Variants in UPRT observed in about 807,000 individuals in gnomAD.
UPRT encodes the protein RP11-311P8.3.
UPRT carries 5 observed loss-of-function variants against 22.6 expected under a neutral mutation model. That is an observed-to-expected ratio of 0.22 (90% CI 0.12 to 0.47). The LOEUF (loss-of-function observed/expected upper bound fraction) is 0.47, where lower values mean the gene tolerates loss of function less well. UPRT is among the 20% of genes least tolerant of loss of function. UPRT has a pLI of 0.99. For synonymous variants in UPRT, 77 were observed against 87.7 expected (o/e 0.88, Z 0.68); for missense variants, 181 against 239.9 (o/e 0.75, Z 1.62).
chrX:75,167,081 A>G (rs2082215172), intron 3 of UPRT, among the ~76,000 whole-genome samples: 2 of 111,870 alleles, frequency 1.8e-5, no homozygotes, highest in African/African-American at 3.3e-5. Context: ...TCTCTGAATC[A>G]TGTATCTTCA....
chrX:75,219,271 G>A (rs968596044), intron 4 of UPRT, among the ~76,000 whole-genome samples: 2 of 111,820 alleles, frequency 1.8e-5, no homozygotes, highest in Non-Finnish European at 3.8e-5. Flanking sequence ...TAATTGAAAG[G>A]CAAGGCTTCA....
chrX:75,267,410 A>G (rs903220181), intron 4 of UPRT, among the ~76,000 whole-genome samples: 1 of 111,416 alleles, frequency 9.0e-6, no homozygotes, highest in African/African-American at 3.3e-5. Flanking sequence ...GGAATATCAC[A>G]GTTCAAGGCC....
chrX:75,191,232 C>T (rs1200599997), intron 4 of UPRT, among the ~76,000 whole-genome samples: 1 of 112,323 alleles, frequency 8.9e-6, no homozygotes, highest in Non-Finnish European at 1.9e-5. Context: ...TTGGAGTTTG[C>T]TGGAAGTCCA....
intron 4 of UPRT, among the ~76,000 whole-genome samples, chrX:75,238,529 A>C (rs952148996): frequency 8.9e-6 from 1 of 111,838 alleles, no homozygotes; most frequent in Non-Finnish European, 1.9e-5. Context: ...AATAGTGGGA[A>C]ACTTCAGTAC....
chrX:75,248,243 A>T (rs2082514294), intron 4 of UPRT, among the ~76,000 whole-genome samples: 1 of 112,087 alleles, frequency 8.9e-6, no homozygotes, highest in Non-Finnish European at 1.9e-5. Flanking sequence ...AGAAGGCTTC[A>T]GATGATCAAA....
chrX:75,217,833 G>T lies in UPRT; in HGVS notation c.-447+49954G>T, dbSNP rs1238826703. ...TGGTGCTGGGAAAACTGGCTAGCCA[G>T]ATGTAGAAAGCTGAAACTGGATCCC... On this transcript the variant is annotated intron_variant, in intron 4 of 13. Coordinates refer to the UPRT transcript ENST00000652605. 1.1e-4 allele frequency among the ~76,000 whole-genome samples: 12 copies of T among 112,099 alleles called. No individual in the cohort carries two copies. The East Asian group carries it at 1.1e-3, about 10-fold the overall frequency.
At chrX:75,184,244 C>T (rs1179923260) in intron 4 of UPRT, among the ~76,000 whole-genome samples, 1 of 112,193 alleles carries the variant, frequency 8.9e-6, no homozygotes, top group Non-Finnish European at 1.9e-5. Flanking sequence ...CTACATCTGG[C>T]TTGCCAGTTT....
At position 75,206,784 on chromosome X, in the gene UPRT, C is replaced by T. The variant is rs755861174; in HGVS notation, c.-447+38905C>T. 3.6e-5 allele frequency among the ~76,000 whole-genome samples: 4 copies of T among 111,253 alleles called. No individual in the cohort carries two copies. The Admixed American group carries it at 3.8e-4, about 11-fold the overall frequency. On this transcript the variant is annotated intron_variant, in intron 4 of 13. Transcript: ENST00000652605. ...GGTTCATGCCATTCTCCTGTCTCAG[C>T]CTCCCACGTAGCTGGGACTACAGGT...
intron 4 of UPRT, among the ~76,000 whole-genome samples, chrX:75,256,508 C>A (rs2082550141): frequency 9.1e-6 from 1 of 109,361 alleles, no homozygotes; most frequent in Admixed American, 1.0e-4. Context: ...AGGAAATAAC[C>A]AAGATCAGAG....
intron 4 of UPRT, among the ~76,000 whole-genome samples, chrX:75,224,472 A>T (rs1294785752): frequency 9.2e-6 from 1 of 108,182 alleles, no homozygotes; most frequent in African/African-American, 3.4e-5. Flanking sequence ...CCTCCTTACC[A>T]CTCACATTGT....
chrX:75,304,876 T>G lies in UPRT; in HGVS notation c.*1365T>G, dbSNP rs752287491. ...TAAATTGAGATTAATAAATTACTCA[T>G]ATTACAGTTCTTCCATGGCAAATGT... On this transcript the variant is annotated 3_prime_UTR_variant, in exon 7 of 7. Transcript: ENST00000373383. 8.9e-6 allele frequency among the ~76,000 whole-genome samples: 1 copy of G among 112,344 alleles called. No homozygotes were observed. Among genetic ancestry groups the G allele is most frequent in the East Asian group, 2.8e-4 (1 of 3,572 alleles).
chrX:75,260,119 A>C (rs2082562869), intron 4 of UPRT, among the ~76,000 whole-genome samples: 1 of 112,222 alleles, frequency 8.9e-6, no homozygotes, highest in Non-Finnish European at 1.9e-5. Context: ...CTCAACATGA[A>C]AAGAAACAAC....
chrX:75,225,994 C>G (rs968819776), intron 4 of UPRT, among the ~76,000 whole-genome samples: 2 of 111,232 alleles, frequency 1.8e-5, no homozygotes, highest in African/African-American at 3.3e-5. Flanking sequence ...TGATCTATAC[C>G]TCACCCTAAA....
rs766572885 is a variant in UPRT at position 75,298,147 on chromosome X, T to TA, written c.562+600dup. ...GCACATGCCACTATACCTAGCAAATTAAAAAACAATTTTTTTTTTTTTTTG... is the reference window on the plus strand; with the variant it reads ...GCACATGCCACTATACCTAGCAAATTAAAAAAACAATTTTTTTTTTTTTTTG... On this transcript the variant is annotated intron_variant, in intron 4 of 6. Transcript: ENST00000373383. Among the ~76,000 whole-genome samples the TA allele has an allele frequency of 2.8e-5, 3 of 108,650 alleles. No individual in the cohort carries two copies. In the East Asian group the frequency reaches 8.7e-4, roughly 31 times the overall value. The allele number at this position is 108,650 out of a possible 115,157, so 94.3% of individuals were successfully genotyped here. A position where few individuals can be genotyped will look rare whatever the true frequency, so the allele number is the denominator to read the frequency against.
chrX:75,289,015 A>C (rs910507711), intron 1 of UPRT, among the ~76,000 whole-genome samples: 37 of 111,419 alleles, frequency 3.3e-4, no homozygotes, highest in African/African-American at 1.1e-3. Context: ...TCAGTGTACC[A>C]AAATCAGTAG....
chrX:75,165,422 A>G (rs1263530156), intron 3 of UPRT, among the ~76,000 whole-genome samples: 3 of 112,008 alleles, frequency 2.7e-5, no homozygotes. Flanking sequence ...GGGTCTATGT[A>G]TAACAAGGAA....
chrX:75,282,798 G>T (rs926795437), intron 1 of UPRT, among the ~76,000 whole-genome samples: 1 of 111,228 alleles, frequency 9.0e-6, no homozygotes, highest in East Asian at 2.8e-4. Context: ...AATTTGTTCC[G>T]AGGTATAGTT....
chrX:75,175,349 A>G (rs932534639), intron 4 of UPRT, among the ~76,000 whole-genome samples: 2 of 112,172 alleles, frequency 1.8e-5, no homozygotes, highest in African/African-American at 3.2e-5. Flanking sequence ...CAAAAAAGGC[A>G]TGTGAAAAGA....
chrX:75,158,085 G>A (rs1314310164), intron 1 of UPRT, among the ~76,000 whole-genome samples: 2 of 111,996 alleles, frequency 1.8e-5, no homozygotes, highest in Non-Finnish European at 3.8e-5. Flanking sequence ...CAACTGTTTT[G>A]ATCAAAAAGT....
Sources: allele counts gnomAD v4.1 joint callset (sites outside exome capture counted in the v4.1 genomes callset), GRCh38; gene constraint gnomAD v4.1.1; transcripts MANE v1.5; gene names NCBI Gene and HGNC (gene_info 2026-07-23, HGNC 2026-07-21).